Variants in GAB4 observed in about 807,000 individuals in gnomAD.
GAB4 encodes GRB2 associated binding protein family member 4.
Under a neutral mutation model 51.3 loss-of-function variants are expected in GAB4, and 26 were observed. That is an observed-to-expected ratio of 0.51 (90% CI 0.37 to 0.70). The LOEUF (loss-of-function observed/expected upper bound fraction) is 0.70. Among genes scored for constraint, GAB4 ranks in the 30% least tolerant of loss-of-function variants. The probability of loss-of-function intolerance (pLI) is 0.00; values close to 1 mark genes in which losing one functional copy is unlikely to be tolerated. For missense variants in GAB4, 759 were observed against 734.6 expected (o/e 1.03, Z -0.38); for synonymous variants, 329 against 291.2 (o/e 1.13, Z -1.32).
chr22:16,963,946 C>T, intron 8 of GAB4, 117 bp from the exon 9 acceptor site: 1 of 709,478 alleles, frequency 1.4e-6, no homozygotes, highest in South Asian at 1.7e-5. Flanking sequence ...GAGCCATGCA[C>T]TGGGGCACTC....
chr22:16,988,186 G>A lies in GAB4; in HGVS notation c.479-19C>T. 1.3e-6 allele frequency: 2 copies of A among 1,571,106 alleles called. No individual in the cohort carries two copies. On this transcript the variant is annotated intron_variant, in intron 2 of 9. Transcript: ENST00000400588. ...AGGAAGCCTGTGAATGAAACAGGAAGGAAGGGCATCCTTGTCCTAAAGTGG... is the reference window on the plus strand; with the variant it reads ...AGGAAGCCTGTGAATGAAACAGGAAAGAAGGGCATCCTTGTCCTAAAGTGG...
intron 1 of GAB4, among the ~76,000 whole-genome samples, chr22:16,998,596 G>A (rs185611618): frequency 2.4e-3 from 371 of 152,296 alleles, no homozygotes; most frequent in Non-Finnish European, 4.6e-3. Context: ...TGCAAACAGG[G>A]ACAATTTGAT....
intron 3 of GAB4, among the ~76,000 whole-genome samples, chr22:16,984,089 C>CTG (rs750034601): frequency 6.6e-6 from 1 of 152,098 alleles, no homozygotes; most frequent in South Asian, 2.1e-4. Context: ...ATAAGGAACT[C>CTG]TAACAACTCA....
chr22:17,003,312 G>C (rs542758621), intron 1 of GAB4, among the ~76,000 whole-genome samples: 56 of 152,296 alleles, frequency 3.7e-4, no homozygotes, highest in African/African-American at 1.3e-3. Flanking sequence ...CCTGAACTCA[G>C]CTCTGGACCA....
At chr22:16,969,835 G>C in intron 4 of GAB4, 108 bp downstream of exon 4, 1 of 1,330,734 alleles carries the variant, frequency 7.5e-7, no homozygotes, top group East Asian at 2.3e-5. Flanking sequence ...ACTGTCCTAG[G>C]AATCTGGTGC....
chr22:16,997,739 G>T (rs1009524492), intron 1 of GAB4, among the ~76,000 whole-genome samples: 1 of 152,078 alleles, frequency 6.6e-6, no homozygotes, highest in Non-Finnish European at 1.5e-5. Context: ...GTCCTGAATG[G>T]GATTGCCTAG....
At chr22:16,979,783 A>G (rs1046842018) in intron 3 of GAB4, among the ~76,000 whole-genome samples, 8 of 152,226 alleles carry the variant, frequency 5.3e-5, no homozygotes, top group Admixed American at 5.2e-4. Context: ...GGCTACAGGC[A>G]CCAAAACATG....
chr22:16,964,378 G>C (rs1304836217), intron 8 of GAB4, among the ~76,000 whole-genome samples: 1 of 152,104 alleles, frequency 6.6e-6, no homozygotes, highest in African/African-American at 2.4e-5. Context: ...CCAATCTAAG[G>C]GGCATCCTGT....
At chr22:16,989,290 T>C (rs539653524) in intron 2 of GAB4, among the ~76,000 whole-genome samples, 10 of 152,336 alleles carry the variant, frequency 6.6e-5, no homozygotes, top group African/African-American at 1.4e-4. Context: ...GTGGTGTTGA[T>C]GGTGGCTTTC....
intron 1 of GAB4, among the ~76,000 whole-genome samples, chr22:16,994,225 GCAC>G (rs1336854156): frequency 6.6e-6 from 1 of 151,858 alleles, no homozygotes; most frequent in African/African-American, 2.4e-5. Context: ...TTCCCCTTCT[GCAC>G]CACTAAAATG....
At chr22:17,005,037 A>G (rs1193640288) in intron 1 of GAB4, among the ~76,000 whole-genome samples, 2 of 152,206 alleles carry the variant, frequency 1.3e-5, no homozygotes, top group Non-Finnish European at 2.9e-5. Context: ...ACGGTATTCA[A>G]ACAGGAAGAG....
rs752800252 is a variant in GAB4, at chr22:16,966,154, C to G, written c.1234G>C (p.Gly412Arg). The G allele has an allele frequency of 1.9e-6, 3 of 1,613,908 alleles. No homozygotes were observed. Among genetic ancestry groups the G allele is most frequent in the Admixed American group, 1.7e-5 (1 of 60,016 alleles). ...ACAGGGGGCAGCTGGACCTCATGTC[C>G]CTGGCTGAGGTCTTGGTGCATAGAA... ...ELSMHQDLSQ[G>R]HEVQLPPVNR... Residue 412 changes from glycine to arginine, a missense_variant, in exon 6 of 10, where the codon GGA becomes CGA. Physicochemically the swap from Gly to Arg is moderately radical, Grantham distance 125. This residue lies in a region of GAB4 where 588 missense variants were observed against 510.2 expected (regional missense o/e 1.15). Transcript: ENST00000400588.
intron 1 of GAB4, among the ~76,000 whole-genome samples, chr22:17,005,588 C>G (rs948513322): frequency 6.6e-6 from 1 of 152,222 alleles, no homozygotes; most frequent in Non-Finnish European, 1.5e-5. Flanking sequence ...ATCACACTAC[C>G]TGACTTCAAA....
Position 16,988,127 on chromosome 22 carries a change from G to A in GAB4, c.519C>T (p.Cys173=), listed in dbSNP as rs775507717. The part of the protein sequence containing the change: ...GNISSASHGL[C]SSPAEPSCSH... ...AGCAGCTGGGCTCAGCTGGAGAAGA[G>A]CAGAGGCCGTGACTGGCTGAGGAAA... Residue 173 remains cysteine, a synonymous_variant, in exon 3 of 10, where the codon TGC becomes TGT. Coordinates refer to ENST00000400588, the MANE Select transcript of GAB4 (RefSeq NM_001037814.1). The A allele has an allele frequency of 3.7e-6, 6 of 1,612,944 alleles. No individual in the cohort carries two copies. The highest frequency in any genetic ancestry group is 4.5e-5 in the East Asian group (2 of 44,886).
chr22:16,987,985 C>T lies in GAB4; in HGVS notation c.661G>A (p.Ala221Thr), dbSNP rs200236379. ...CTTGCATGTTCTGCTCTCTGGCTGGCGTGCTGGTGCGAGCGGAGACACCCC... is the reference window on the plus strand; with the variant it reads ...CTTGCATGTTCTGCTCTCTGGCTGGTGTGCTGGTGCGAGCGGAGACACCCC... ...PPGCLRSHQH[A>T]SQRAEHARSA... Residue 221 changes from alanine to threonine, a missense_variant, in exon 3 of 10, where the codon GCC becomes ACC. Ala to Thr is a moderately conservative substitution (Grantham distance 58, BLOSUM62 0). Coordinates refer to ENST00000400588, the MANE Select transcript of GAB4 (RefSeq NM_001037814.1). The T allele has an allele frequency of 1.9e-3, 3,056 of 1,606,054 alleles. 6 individuals carry two copies. The highest frequency in any genetic ancestry group is 2.4e-3 in the Non-Finnish European group (2,816 of 1,177,272).
chr22:16,994,913 T>C (rs575582956), intron 1 of GAB4, among the ~76,000 whole-genome samples: 3 of 152,240 alleles, frequency 2.0e-5, no homozygotes, highest in Non-Finnish European at 4.4e-5. Flanking sequence ...TTGTTAGCTG[T>C]AGGTTTTTCA....
intron 1 of GAB4, among the ~76,000 whole-genome samples, chr22:16,995,245 A>T (rs535792425): frequency 1.3e-5 from 2 of 152,318 alleles, no homozygotes; most frequent in Non-Finnish European, 2.9e-5. Context: ...AGTTGGGCGG[A>T]TAATGGAATA....
At chr22:16,991,851 A>G in intron 2 of GAB4, 22 bp downstream of exon 2, 1 of 1,583,580 alleles carries the variant, frequency 6.3e-7, no homozygotes, top group Non-Finnish European at 8.6e-7. Flanking sequence ...CTCCTGAGAC[A>G]GGGCTGTGTG....
chr22:16,964,150 A>G (rs1276535086), intron 8 of GAB4, among the ~76,000 whole-genome samples: 3 of 152,106 alleles, frequency 2.0e-5, no homozygotes, highest in Non-Finnish European at 4.4e-5. Flanking sequence ...CTGAGGCTGC[A>G]TGGAGCCTAC....
Sources: allele counts gnomAD v4.1 joint callset (sites outside exome capture counted in the v4.1 genomes callset), GRCh38; gene constraint gnomAD v4.1.1; regional missense constraint gnomAD v4.1.1; transcripts MANE v1.5; gene names NCBI Gene and HGNC (gene_info 2026-07-23, HGNC 2026-07-21).